VRK2: variants seen among roughly 807,000 people sequenced by gnomAD.
VRK2 encodes the protein VRK serine/threonine kinase 2.
In VRK2, 60 loss-of-function variants were observed where a neutral mutation model predicts 57.6. That is an observed-to-expected ratio of 1.04 (90% CI 0.85 to 1.29). The LOEUF is 1.29. Among genes scored for constraint, VRK2 ranks in the 50% most tolerant of loss-of-function variants. VRK2 has a pLI of 0.00. For synonymous variants in VRK2, 231 were observed against 199.2 expected (o/e 1.16, Z -1.35); for missense variants, 705 against 588.1 (o/e 1.20, Z -2.06).
intron 1 of VRK2, among the ~76,000 whole-genome samples, chr2:57,941,360 C>A (rs781007123): frequency 6.6e-6 from 1 of 152,088 alleles, no homozygotes; most frequent in Non-Finnish European, 1.5e-5. Flanking sequence ...AGCAGGATGG[C>A]TGAACTGGAC....
At chr2:58,036,945 A>G (rs140080284) in intron 3 of VRK2, among the ~76,000 whole-genome samples, 245 of 151,938 alleles carry the variant, frequency 1.6e-3, no homozygotes, top group African/African-American at 5.6e-3. Flanking sequence ...AATTTTATTA[A>G]TTAATTTTTT....
At chr2:58,115,148 G>A (rs1306162010) in intron 7 of VRK2, among the ~76,000 whole-genome samples, 3 of 152,176 alleles carry the variant, frequency 2.0e-5, no homozygotes, top group Non-Finnish European at 4.4e-5. Context: ...GGTGTGTGGC[G>A]ATTAGGCCTG....
At chr2:58,052,041 T>C (rs549819522) in intron 2 of VRK2, among the ~76,000 whole-genome samples, 30 of 152,324 alleles carry the variant, frequency 2.0e-4, no homozygotes, top group African/African-American at 7.2e-4. Context: ...AGAATTTTAC[T>C]ATAATGCTGG....
chr2:58,121,077 A>G (rs912547977), intron 7 of VRK2, among the ~76,000 whole-genome samples: 4 of 152,224 alleles, frequency 2.6e-5, no homozygotes, highest in Non-Finnish European at 5.9e-5. Context: ...CAGAATTGCC[A>G]TAGATTCCTG....
intron 1 of VRK2, among the ~76,000 whole-genome samples, chr2:57,983,458 G>A (rs1672496021): frequency 6.6e-6 from 1 of 152,020 alleles, no homozygotes; most frequent in South Asian, 2.1e-4. Flanking sequence ...ATATTCACAG[G>A]TTTCAGAGAT....
intron 1 of VRK2, among the ~76,000 whole-genome samples, chr2:57,914,675 A>G (rs11895197): frequency 6.6e-6 from 1 of 151,882 alleles, no homozygotes; most frequent in Non-Finnish European, 1.5e-5. Context: ...GCAACAACAG[A>G]TGTATATACA....
intron 10 of VRK2, among the ~76,000 whole-genome samples, chr2:58,138,006 A>T (rs1456967246): frequency 3.3e-5 from 5 of 151,982 alleles, no homozygotes; most frequent in African/African-American, 1.2e-4. Flanking sequence ...ATTTTTCCAA[A>T]CCCCAGTCCC....
intron 1 of VRK2, among the ~76,000 whole-genome samples, chr2:58,012,003 G>C (rs951669035): frequency 1.3e-5 from 2 of 152,100 alleles, no homozygotes; most frequent in African/African-American, 2.4e-5. Flanking sequence ...CCCAAAATAT[G>C]ACTGTAGAAC....
At chr2:58,122,940 A>G (rs912675879) in intron 7 of VRK2, among the ~76,000 whole-genome samples, 161 bp from the exon 8 acceptor site, 1 of 152,220 alleles carries the variant, frequency 6.6e-6, no homozygotes, top group Non-Finnish European at 1.5e-5. Context: ...GTTAGTTGTT[A>G]TGGCCCCCAG....
chr2:58,042,861 CTT>C (rs1421104483), upstream of VRK2, among the ~76,000 whole-genome samples: 2 of 152,052 alleles, frequency 1.3e-5, no homozygotes, highest in Non-Finnish European at 2.9e-5. Context: ...TCTAGATTCT[CTT>C]TTCTTTCTTG....
intron 7 of VRK2, among the ~76,000 whole-genome samples, chr2:58,108,402 C>A (rs981121581): frequency 6.6e-6 from 1 of 152,122 alleles, no homozygotes; most frequent in Non-Finnish European, 1.5e-5. Context: ...TATTATTATT[C>A]TTTGCCAGAA....
chr2:58,144,236 A>T (rs886978014), intron 11 of VRK2, among the ~76,000 whole-genome samples: 1 of 151,926 alleles, frequency 6.6e-6, no homozygotes, highest in African/African-American at 2.4e-5. Context: ...ATTTGTCGGG[A>T]TGAGACCTGG....
chr2:58,078,073 T>C (rs1218349468), intron 2 of VRK2, among the ~76,000 whole-genome samples: 1 of 152,106 alleles, frequency 6.6e-6, no homozygotes, highest in African/African-American at 2.4e-5. Context: ...TATATTCACA[T>C]TGTTGTGCAG....
At chr2:58,025,264 ATTTT>A (rs34986884) in intron 1 of VRK2, among the ~76,000 whole-genome samples, 1 of 146,842 alleles carries the variant, frequency 6.8e-6, no homozygotes, top group African/African-American at 2.5e-5. Context: ...CATTGCTCAT[ATTTT>A]TTTTTTTTTT....
At position 58,112,073 on chromosome 2, in the gene VRK2, A is replaced by G. The variant is rs549652352; in HGVS notation, c.544-11028A>G. Among the ~76,000 whole-genome samples the G allele has an allele frequency of 2.0e-5, 3 of 152,218 alleles. No individual in the cohort carries two copies. The South Asian group carries it at 6.2e-4, about 32-fold the overall frequency. Reference sequence around the variant, plus strand: ...CTGCACAAACTCATTTTTGACTTCAACATAATTTCAGAAGTTGACAGAACC... The same window carrying G: ...CTGCACAAACTCATTTTTGACTTCAGCATAATTTCAGAAGTTGACAGAACC... On this transcript the variant is annotated intron_variant, in intron 7 of 12. Coordinates refer to ENST00000340157, the MANE Select transcript of VRK2 (RefSeq NM_006296.7).
chr2:58,121,357 A>G (rs1677488626), intron 7 of VRK2, among the ~76,000 whole-genome samples: 1 of 152,188 alleles, frequency 6.6e-6, no homozygotes, highest in Non-Finnish European at 1.5e-5. Context: ...CATTTTTCTG[A>G]TATCTGCTTT....
intron 2 of VRK2, chr2:58,026,922 T>A (rs1673947195): frequency 6.6e-6 from 1 of 151,422 alleles, no homozygotes; most frequent in Non-Finnish European, 1.5e-5. Flanking sequence ...AGAGATGGGA[T>A]CTCACTTTGT....
chr2:57,964,633 C>T (rs947950761), intron 1 of VRK2, among the ~76,000 whole-genome samples: 10 of 152,074 alleles, frequency 6.6e-5, no homozygotes, highest in Non-Finnish European at 1.0e-4. Flanking sequence ...CCTGTAAATC[C>T]CAGCACTGTG....
intron 1 of VRK2, among the ~76,000 whole-genome samples, chr2:57,947,338 G>C (rs1467753807): frequency 6.6e-6 from 1 of 151,962 alleles, no homozygotes; most frequent in Non-Finnish European, 1.5e-5. Flanking sequence ...ATATGTTGTT[G>C]GGCACCAAAT....
Sources: allele counts gnomAD v4.1 joint callset (sites outside exome capture counted in the v4.1 genomes callset), GRCh38; gene constraint gnomAD v4.1.1; transcripts MANE v1.5; gene names NCBI Gene and HGNC (gene_info 2026-07-23, HGNC 2026-07-21).